Variants in WDR59 observed in about 807,000 individuals in gnomAD.
The protein encoded by WDR59 is WD repeat domain 59.
In WDR59, 100 loss-of-function variants were observed where a neutral mutation model predicts 131.2. That is an observed-to-expected ratio of 0.76 (90% CI 0.65 to 0.90). The LOEUF (loss-of-function observed/expected upper bound fraction) is 0.90, where lower values mean the gene tolerates loss of function less well. WDR59 is among the 40% of genes least tolerant of loss of function. The probability of loss-of-function intolerance (pLI) is 0.00; values close to 1 mark genes in which losing one functional copy is unlikely to be tolerated. For synonymous variants in WDR59, 601 were observed against 466.2 expected, an observed-to-expected ratio of 1.29 and a Z score of -3.72; for missense variants, 1,203 against 1,262.2, an observed-to-expected ratio of 0.95 and a Z score of 0.71.
At chr16:74,921,780 T>C (rs943493154) in intron 10 of WDR59, among the ~76,000 whole-genome samples, 167 bp downstream of exon 10, 25 of 152,146 alleles carry the variant, frequency 1.6e-4, no homozygotes, top group Admixed American at 1.0e-3. Context: ...CAGCCTTATA[T>C]AGTCCCTTTA....
chr16:74,951,518 T>C lies in WDR59; in HGVS notation c.266A>G (p.Lys89Arg), dbSNP rs1372572913. 1 of 1,600,910 alleles carries C rather than the reference T, an allele frequency of 6.2e-7. No homozygotes were observed. The highest frequency in any genetic ancestry group is 1.7e-4 in the Middle Eastern group (1 of 6,042). The change falls in exon 4 of 26, where the codon AAG becomes AGG. Residue 89 changes from lysine (K) to arginine (R), a missense_variant. Lys to Arg is a conservative substitution (Grantham distance 26, BLOSUM62 2). Transcript: ENST00000262144. The stretch of plus-strand genomic sequence containing the variant: ...AACTTCCCCACTGCCGTCTTTCCAC[T>C]TGTAAAGGTCTACTCGTTGGTTACT... ...ASSNQRVDLYKWKDGSGEVGT... is the reference protein window; with the variant it reads ...ASSNQRVDLYRWKDGSGEVGT...
At chr16:74,937,082 G>A (rs141148997) in intron 8 of WDR59, among the ~76,000 whole-genome samples, 11 of 152,216 alleles carry the variant, frequency 7.2e-5, no homozygotes, top group African/African-American at 2.4e-4. Context: ...CAATTTCTGT[G>A]GTCAAACCCC....
At chr16:74,928,373 C>T (rs982181707) in intron 8 of WDR59, among the ~76,000 whole-genome samples, 2 of 151,880 alleles carry the variant, frequency 1.3e-5, no homozygotes, top group South Asian at 2.1e-4. Flanking sequence ...CACACCACCA[C>T]ATCCGGCTAA....
At chr16:74,916,088 G>A (rs367795054) in intron 12 of WDR59, 39 bp downstream of exon 12, 2 of 1,614,138 alleles carry the variant, frequency 1.2e-6, no homozygotes, top group Middle Eastern at 1.6e-4. Flanking sequence ...GCAATGCGTA[G>A]AGTGGCACCT....
intron 2 of WDR59, among the ~76,000 whole-genome samples, chr16:74,962,325 G>A (rs1251902039): frequency 6.6e-6 from 1 of 152,094 alleles, no homozygotes; most frequent in Non-Finnish European, 1.5e-5. Flanking sequence ...TGTGAAGAAT[G>A]TCAATGGTAG....
At chr16:74,885,382 G>T (rs1260433866) in intron 25 of WDR59, among the ~76,000 whole-genome samples, 2 of 131,032 alleles carry the variant, frequency 1.5e-5, no homozygotes, top group Non-Finnish European at 3.1e-5. Context: ...CCAGAAGGCA[G>T]AGGTTCAGTG....
chr16:74,984,644 C>T (rs925741663), intron 1 of WDR59: 33 of 375,394 alleles, frequency 8.8e-5, no homozygotes, highest in Admixed American at 1.6e-4. Context: ...GAAGCCGTCA[C>T]GCCCTCGCTC....
At chr16:74,933,216 A>C (rs1049009510) in intron 8 of WDR59, among the ~76,000 whole-genome samples, 2 of 152,164 alleles carry the variant, frequency 1.3e-5, no homozygotes, top group Non-Finnish European at 2.9e-5. Context: ...TGGGAGGATC[A>C]CTTGAGCCCA....
chr16:74,905,950 C>A (rs1174268598), intron 17 of WDR59, among the ~76,000 whole-genome samples: 1 of 151,870 alleles, frequency 6.6e-6, no homozygotes, highest in Non-Finnish European at 1.5e-5. Flanking sequence ...AAAAAAGATA[C>A]CCAAATGGTC....
At chr16:74,959,602 G>T in intron 2 of WDR59, 2 of 421,112 alleles carry the variant, frequency 4.7e-6, no homozygotes, top group Non-Finnish European at 9.3e-6. Flanking sequence ...TCTGCATAAA[G>T]AAAAAAAAAT....
chr16:74,900,921 C>A (rs112656892), intron 18 of WDR59, among the ~76,000 whole-genome samples: 6,390 of 152,248 alleles, frequency 0.042, 250 homozygotes, highest in African/African-American at 0.099. Flanking sequence ...GAGTTCGAGA[C>A]CAGCGTGGCC....
At chr16:74,893,603 C>T in intron 19 of WDR59, 76 bp downstream of exon 19, 1 of 1,474,664 alleles carries the variant, frequency 6.8e-7, no homozygotes, top group Admixed American at 2.0e-5. Flanking sequence ...AAAGGATTCC[C>T]ACACTCAAAA....
intron 7 of WDR59, 146 bp downstream of exon 7, chr16:74,942,592 C>T: frequency 1.5e-6 from 1 of 686,512 alleles, no homozygotes; most frequent in Non-Finnish European, 2.5e-6. Context: ...CAAATATCGT[C>T]TGGTACTATG....
intron 2 of WDR59, among the ~76,000 whole-genome samples, chr16:74,965,365 T>TTTCTTAAC (rs2033728159): frequency 6.6e-6 from 1 of 152,206 alleles, no homozygotes; most frequent in Admixed American, 6.5e-5. Flanking sequence ...AAAGTCCAGT[T>TTTCTTAAC]AAGCCAAACT....
rs367608941 is a variant in WDR59 at position 74,912,195 on chromosome 16, C to T, written c.1389+3G>A. 6.2e-7 allele frequency: 1 copy of T among 1,614,176 alleles called. No homozygotes were observed. Among genetic ancestry groups the T allele is most frequent in the South Asian group, 1.1e-5 (1 of 91,082 alleles). On this transcript the variant is annotated splice_donor_region_variant and intron_variant, in intron 14 of 25. Transcript: ENST00000262144. The stretch of plus-strand genomic sequence containing the variant: ...AGGAGAATTTGGGAACCCAGACCCC[C>T]ACCTTCAGCAGCTTAGCTTTCATGG...
intron 18 of WDR59, among the ~76,000 whole-genome samples, chr16:74,896,721 C>A (rs1965315203): frequency 6.6e-6 from 1 of 152,046 alleles, no homozygotes; most frequent in African/African-American, 2.4e-5. Flanking sequence ...ATGCCCAAAG[C>A]AGTTCATTTG....
chr16:74,947,177 G>A (rs187915293), intron 6 of WDR59, among the ~76,000 whole-genome samples: 6 of 152,172 alleles, frequency 3.9e-5, no homozygotes, highest in East Asian at 3.8e-4. Context: ...GGCCAGTCGC[G>A]ATGGCTCAAG....
intron 3 of WDR59, among the ~76,000 whole-genome samples, chr16:74,952,099 GGT>G (rs2033036632): frequency 6.6e-6 from 1 of 151,760 alleles, no homozygotes; most frequent in African/African-American, 2.4e-5. Flanking sequence ...TAAGGTGTGA[GGT>G]GTGAGGACTG....
rs573731715 is a variant in WDR59, at chr16:74,912,324, G to A, written c.1263C>T (p.His421=). 3 of 1,614,116 alleles carry A rather than the reference G, an allele frequency of 1.9e-6. No homozygotes were observed. The highest frequency in any genetic ancestry group is 2.2e-5 in the South Asian group (2 of 91,084). Residue 421 remains histidine, a synonymous_variant, in exon 14 of 26, where the codon CAC becomes CAT. Transcript: ENST00000262144. ...AADRSCTVSV[H]CSNHRVKMLV... The stretch of plus-strand genomic sequence containing the variant: ...GCATCTTGACACGATGGTTGCTGCA[G>A]TGCACAGACACTGTGCAGCTCCTGT...
Sources: gnomAD v4.1 joint callset for allele counts (sites outside exome capture counted in the v4.1 genomes callset) on GRCh38, gnomAD v4.1.1 for gene constraint, MANE v1.5 for transcripts, NCBI Gene and HGNC (gene_info 2026-07-23, HGNC 2026-07-21) for gene names.